Variants in ACYP2 observed in about 807,000 individuals in gnomAD.
ACYP2 encodes the protein acylphosphatase-2.
A neutral mutation model predicts 11.2 loss-of-function variants in ACYP2; 12 were observed. The ratio of observed to expected loss-of-function variants is 1.08; its 90% confidence interval spans 0.69 to 1.74. The LOEUF is 1.74. ACYP2 is among the 40% of genes most tolerant of loss of function. The probability of loss-of-function intolerance (pLI) is 0.00; values close to 1 mark genes in which losing one functional copy is unlikely to be tolerated. For synonymous variants in ACYP2, 43 were observed against 32.2 expected, an observed-to-expected ratio of 1.33 and a Z score of -1.13; for missense variants, 134 against 101.9, an observed-to-expected ratio of 1.31 and a Z score of -1.35.
At chr2:54,181,450 C>T (rs1683721312) in intron 6 of ACYP2, among the ~76,000 whole-genome samples, 1 of 152,106 alleles carries the variant, frequency 6.6e-6, no homozygotes, top group Non-Finnish European at 1.5e-5. Flanking sequence ...GAAAATATAA[C>T]AAGAACATAA....
intron 2 of ACYP2, among the ~76,000 whole-genome samples, chr2:54,034,817 T>A (rs993022593): frequency 2.0e-5 from 3 of 151,964 alleles, no homozygotes; most frequent in Non-Finnish European, 4.4e-5. Context: ...AAGACCAGCC[T>A]GGCCAACATA....
chr2:54,228,450 T>A (rs1171695787), intron 6 of ACYP2, among the ~76,000 whole-genome samples: 1 of 152,218 alleles, frequency 6.6e-6, no homozygotes, highest in African/African-American at 2.4e-5. Flanking sequence ...AGGTATACAG[T>A]AGTTAAGAAA....
At chr2:54,162,567 C>T (rs1407398993) in intron 6 of ACYP2, among the ~76,000 whole-genome samples, 1 of 152,088 alleles carries the variant, frequency 6.6e-6, no homozygotes, top group Non-Finnish European at 1.5e-5. Context: ...CCACCCTAGA[C>T]GTACTGAATC....
intron 6 of ACYP2, among the ~76,000 whole-genome samples, chr2:54,172,267 T>C (rs1378047316): frequency 6.6e-6 from 1 of 152,116 alleles, no homozygotes; most frequent in African/African-American, 2.4e-5. Flanking sequence ...TAAAAAAATA[T>C]GTATATAAAT....
At chr2:54,187,848 G>A (rs13396310) in intron 6 of ACYP2, among the ~76,000 whole-genome samples, 1,785 of 152,288 alleles carry the variant, frequency 0.012, 38 homozygotes, top group African/African-American at 0.041. Flanking sequence ...GTTGGGAGGT[G>A]GGGCCTAATG....
chr2:54,139,196 G>A (rs1297926519), intron 6 of ACYP2, among the ~76,000 whole-genome samples: 1 of 152,216 alleles, frequency 6.6e-6, no homozygotes, highest in African/African-American at 2.4e-5. Context: ...TTAGGGAGAT[G>A]TCCAGGGCCC....
chr2:54,033,534 ATTTACT>A (rs1317101659), intron 2 of ACYP2, among the ~76,000 whole-genome samples: 2 of 152,072 alleles, frequency 1.3e-5, no homozygotes, highest in African/African-American at 4.8e-5. Context: ...TTCTATATGA[ATTTACT>A]TTTAGGAGAG....
chr2:54,148,680 G>C (rs1682011178), intron 6 of ACYP2, among the ~76,000 whole-genome samples: 1 of 152,184 alleles, frequency 6.6e-6, no homozygotes, highest in South Asian at 2.1e-4. Flanking sequence ...TATCCAGGGA[G>C]AAGTTGTGTA....
intron 2 of ACYP2, among the ~76,000 whole-genome samples, chr2:54,014,689 G>C (rs1352424620): frequency 1.3e-5 from 2 of 151,860 alleles, no homozygotes; most frequent in African/African-American, 4.8e-5. Context: ...CTTGTTCCTT[G>C]CAAATAAATG....
intron 6 of ACYP2, among the ~76,000 whole-genome samples, chr2:54,283,909 G>A (rs994562730): frequency 7.2e-5 from 11 of 152,224 alleles, no homozygotes; most frequent in Non-Finnish European, 1.5e-4. Flanking sequence ...GAAGTCAGGA[G>A]TTCAAGACCA....
chr2:54,011,956 C>T (rs1673397441), intron 2 of ACYP2, among the ~76,000 whole-genome samples: 1 of 152,080 alleles, frequency 6.6e-6, no homozygotes, highest in Non-Finnish European at 1.5e-5. Flanking sequence ...ACTCCTGGGG[C>T]CAGGTGAAGT....
At chr2:54,208,679 G>A (rs1362181586) in intron 6 of ACYP2, among the ~76,000 whole-genome samples, 1 of 146,934 alleles carries the variant, frequency 6.8e-6, no homozygotes, top group African/African-American at 2.5e-5. Context: ...ATAAGAATTA[G>A]TTTAGATTTT....
At position 54,057,229 on chromosome 2, in the gene ACYP2, T is replaced by C; in HGVS notation, c.156-10T>C. ...CTTTTTCTTACTGTTCTCACATATT[T>C]TGTTTCCAGCTATAAATTCATACAA... is the stretch of plus-strand genomic sequence containing the variant. On this transcript the variant is annotated splice_polypyrimidine_tract_variant and intron_variant, in intron 3 of 6. Transcript: ENST00000607452. The C allele has an allele frequency of 2.5e-6, 1 of 397,802 alleles. No individual in the cohort carries two copies. The highest frequency in any genetic ancestry group is 2.1e-5 in the African/African-American group (1 of 48,726). 24.6% of individuals were successfully genotyped at this position (397,802 alleles called of 1,614,324 possible).
chr2:54,199,048 G>A (rs1179201685), intron 6 of ACYP2, among the ~76,000 whole-genome samples: 2 of 152,156 alleles, frequency 1.3e-5, no homozygotes, highest in Non-Finnish European at 1.5e-5. Flanking sequence ...ACAAATAAGA[G>A]AGGATATTAT....
At chr2:54,018,976 C>T (rs1311992829) in intron 2 of ACYP2, among the ~76,000 whole-genome samples, 1 of 152,040 alleles carries the variant, frequency 6.6e-6, no homozygotes, top group African/African-American at 2.4e-5. Context: ...AACTCCTGAT[C>T]TCAAGTGATC....
intron 6 of ACYP2, among the ~76,000 whole-genome samples, chr2:54,168,695 A>G (rs993898920): frequency 2.0e-5 from 3 of 152,242 alleles, no homozygotes; most frequent in African/African-American, 4.8e-5. Context: ...AAGAAACCCA[A>G]TGAATTTTAA....
At chr2:54,019,986 A>G (rs539898840) in intron 2 of ACYP2, among the ~76,000 whole-genome samples, 133 of 151,338 alleles carry the variant, frequency 8.8e-4, no homozygotes, top group South Asian at 2.5e-3. Flanking sequence ...TCTTTTGCCA[A>G]TGCTGGAGTA....
intron 4 of ACYP2, among the ~76,000 whole-genome samples, chr2:54,074,770 A>G (rs1351072914): frequency 1.3e-5 from 2 of 152,206 alleles, no homozygotes; most frequent in Admixed American, 1.3e-4. Context: ...CTAGAGATGC[A>G]GGGATGAGTC....
At chr2:54,102,050 T>C (rs1034401256) in intron 4 of ACYP2, among the ~76,000 whole-genome samples, 3 of 152,200 alleles carry the variant, frequency 2.0e-5, no homozygotes, top group Non-Finnish European at 4.4e-5. Context: ...ATAGTTCCTC[T>C]GCCCAAAAAA....
Sources: gnomAD v4.1 joint callset for allele counts (sites outside exome capture counted in the v4.1 genomes callset) on GRCh38, gnomAD v4.1.1 for gene constraint, MANE v1.5 for transcripts, NCBI Gene and HGNC (gene_info 2026-07-23, HGNC 2026-07-21) for gene names.